Variants in DIAPH3 observed in about 807,000 individuals in gnomAD.
DIAPH3 encodes the protein diaphanous related formin 3.
A neutral mutation model predicts 144.3 loss-of-function variants in DIAPH3; 117 were observed. The ratio of observed to expected loss-of-function variants is 0.81; its 90% CI spans 0.70 to 0.95. The LOEUF is 0.95. Among genes scored for constraint, DIAPH3 ranks in the 40% least tolerant of loss-of-function variants. DIAPH3 has a pLI of 0.00. For missense variants in DIAPH3, 1,421 were observed against 1,412.7 expected (o/e 1.01, Z -0.09); for synonymous variants, 519 against 488.9 (o/e 1.06, Z -0.81).
intron 17 of DIAPH3, among the ~76,000 whole-genome samples, chr13:59,935,918 G>T (rs1200094196): frequency 6.6e-6 from 1 of 152,108 alleles, no homozygotes; most frequent in African/African-American, 2.4e-5. Flanking sequence ...TTGTGAAACA[G>T]ATTATTTCAA....
At chr13:60,033,817 C>T (rs2054986421) in intron 5 of DIAPH3, among the ~76,000 whole-genome samples, 1 of 152,180 alleles carries the variant, frequency 6.6e-6, no homozygotes, top group South Asian at 2.1e-4. Flanking sequence ...TCCTTTCAGA[C>T]ATATACTGCC....
chr13:59,702,410 G>A (rs1040173801), intron 27 of DIAPH3, among the ~76,000 whole-genome samples: 2 of 152,154 alleles, frequency 1.3e-5, no homozygotes, highest in Admixed American at 6.5e-5. Context: ...TATTGGTCTT[G>A]CTAGATATTA....
At chr13:59,918,601 G>T (rs1420857093) in intron 18 of DIAPH3, among the ~76,000 whole-genome samples, 4 of 152,056 alleles carry the variant, frequency 2.6e-5, no homozygotes, top group Non-Finnish European at 4.4e-5. Flanking sequence ...TCCAGCCTGG[G>T]CTGCACCACC....
At chr13:60,152,646 T>C (rs1294393849) in intron 1 of DIAPH3, among the ~76,000 whole-genome samples, 1 of 151,888 alleles carries the variant, frequency 6.6e-6, no homozygotes, top group Non-Finnish European at 1.5e-5. Context: ...AACATTTCAA[T>C]GGAATTTATG....
chr13:59,997,585 A>C (rs1223437680), intron 9 of DIAPH3, among the ~76,000 whole-genome samples: 1 of 151,924 alleles, frequency 6.6e-6, no homozygotes, highest in Non-Finnish European at 1.5e-5. Context: ...GTTTTTTTCT[A>C]ACCTTTGGTT....
At chr13:59,897,682 A>AG (rs1277832740) in intron 20 of DIAPH3, among the ~76,000 whole-genome samples, 1 of 151,624 alleles carries the variant, frequency 6.6e-6, no homozygotes, top group East Asian at 2.0e-4. Context: ...CAGGGGGCGG[A>AG]GGTTACAGTG....
intron 1 of DIAPH3, among the ~76,000 whole-genome samples, chr13:60,152,489 T>TAG (rs1951833613): frequency 6.8e-6 from 1 of 147,140 alleles, no homozygotes; most frequent in Non-Finnish European, 1.5e-5. Context: ...TAGGGAAAGA[T>TAG]ATATATATAT....
chr13:59,931,416 C>T (rs1186010851), intron 17 of DIAPH3, among the ~76,000 whole-genome samples: 1 of 152,174 alleles, frequency 6.6e-6, no homozygotes, highest in African/African-American at 2.4e-5. Context: ...TCCCTTACTG[C>T]CTTATATAGA....
At position 59,987,051 on chromosome 13, in the gene DIAPH3, G is replaced by A. The variant is rs1027958984; in HGVS notation, c.1362-3164C>T. 4.7e-3 allele frequency among the ~76,000 whole-genome samples: 711 copies of A among 151,898 alleles called. 5 individuals are homozygous for A. Among genetic ancestry groups the A allele is most frequent in the African/African-American group, 0.016 (678 of 41,418 alleles). On this transcript the variant is annotated intron_variant, in intron 12 of 27. Coordinates refer to ENST00000400324, the MANE Select transcript of DIAPH3 (RefSeq NM_001042517.2). ...GTATGTTTATTGCGGCATTATTCAC[G>A]ATAGCAAAGACTTGGAACCAACCCA...
chr13:59,715,541 G>A (rs831707), intron 27 of DIAPH3, among the ~76,000 whole-genome samples: 93,897 of 151,594 alleles, frequency 0.62, 29,230 homozygotes, highest in East Asian at 0.71. Flanking sequence ...AACTTGTAAG[G>A]AAGTCATGCT....
At chr13:59,890,056 G>A (rs1288031727) in intron 20 of DIAPH3, among the ~76,000 whole-genome samples, 5 of 152,112 alleles carry the variant, frequency 3.3e-5, no homozygotes, top group Non-Finnish European at 7.4e-5. Flanking sequence ...AGAGCCAGAA[G>A]TACAAAGCTG....
chr13:59,843,917 A>G (rs1672318462), intron 22 of DIAPH3, among the ~76,000 whole-genome samples: 1 of 152,144 alleles, frequency 6.6e-6, no homozygotes, highest in Non-Finnish European at 1.5e-5. Flanking sequence ...ACATGGACAC[A>G]GGGAGGGGAA....
chr13:59,708,045 C>T (rs1054971988), intron 27 of DIAPH3, among the ~76,000 whole-genome samples: 1 of 150,096 alleles, frequency 6.7e-6, no homozygotes, highest in African/African-American at 2.4e-5. Flanking sequence ...ACTACTAATT[C>T]ATTTCTTTCC....
chr13:60,000,381 A>C (rs2052450067), intron 9 of DIAPH3, among the ~76,000 whole-genome samples: 1 of 152,140 alleles, frequency 6.6e-6, no homozygotes, highest in Non-Finnish European at 1.5e-5. Context: ...AAGATGGTTA[A>C]AATGGTAAAT....
rs1210404244 is a variant in DIAPH3 at position 59,733,652 on chromosome 13, T to G, written c.3319+40537A>C. ...CCTTTAGGTTTCTGATATATATTTGTGTAGGAAACAAAAATCCCAAGCAAA... is the reference window on the plus strand; with the variant it reads ...CCTTTAGGTTTCTGATATATATTTGGGTAGGAAACAAAAATCCCAAGCAAA... On this transcript the variant is annotated intron_variant, in intron 27 of 27. Transcript: ENST00000400324. Among the ~76,000 whole-genome samples the G allele has an allele frequency of 2.0e-5, 3 of 152,236 alleles. No individual in the cohort carries two copies. In the East Asian group the frequency reaches 5.8e-4, roughly 29 times the overall value.
intron 4 of DIAPH3, among the ~76,000 whole-genome samples, chr13:60,056,788 A>G (rs187844670): frequency 7.2e-5 from 11 of 151,964 alleles, no homozygotes; most frequent in Non-Finnish European, 1.5e-4. Context: ...TATCTGGGGG[A>G]GTGGGAAGAG....
intron 4 of DIAPH3, among the ~76,000 whole-genome samples, chr13:60,058,617 T>C (rs766559972): frequency 6.6e-6 from 1 of 151,988 alleles, no homozygotes; most frequent in Non-Finnish European, 1.5e-5. Context: ...TCAACCTAAC[T>C]GCCCACCAAC....
At chr13:60,069,602 T>G (rs1044807873) in intron 4 of DIAPH3, among the ~76,000 whole-genome samples, 15 of 152,270 alleles carry the variant, frequency 9.9e-5, no homozygotes, top group South Asian at 4.1e-4. Flanking sequence ...AGGGTTTTTG[T>G]AGTTTTAGGT....
At chr13:59,966,720 C>A (rs989412172) in intron 17 of DIAPH3, among the ~76,000 whole-genome samples, 7 of 152,118 alleles carry the variant, frequency 4.6e-5, no homozygotes, top group African/African-American at 1.7e-4. Flanking sequence ...TCTTACTACC[C>A]AATTTGAATG....
Sources: allele counts gnomAD v4.1 joint callset (sites outside exome capture counted in the v4.1 genomes callset), GRCh38; gene constraint gnomAD v4.1.1; transcripts MANE v1.5; gene names NCBI Gene and HGNC (gene_info 2026-07-23, HGNC 2026-07-21).